The following COL20A1 variants were observed in gnomAD, a reference collection of about 807,000 sequenced individuals.
COL20A1 encodes the protein collagen type XX alpha 1 chain.
Under a neutral mutation model 152.9 loss-of-function variants are expected in COL20A1, and 164 were observed. The ratio of observed to expected loss-of-function variants is 1.07; its 90% CI spans 0.94 to 1.22. The LOEUF is 1.22. Among genes scored for constraint, COL20A1 ranks in the 50% most tolerant of loss-of-function variants. The probability of loss-of-function intolerance (pLI) is 0.00; values close to 1 mark genes in which losing one functional copy is unlikely to be tolerated. For synonymous variants in COL20A1, 864 were observed against 756.0 expected (o/e 1.14, Z -2.34); for missense variants, 1,873 against 1,744.8 (o/e 1.07, Z -1.31).
chr20:63,314,541 A>G (rs1248266405), intron 19 of COL20A1, among the ~76,000 whole-genome samples: 1 of 152,082 alleles, frequency 6.6e-6, no homozygotes, highest in African/African-American at 2.4e-5. Context: ...CCAACCTTCC[A>G]GCTTCCCTCT....
Position 63,309,410 on chromosome 20 carries a change from G to A in COL20A1, c.1018G>A (p.Asp340Asn). Residue 340 changes from aspartate to asparagine, a missense_variant, in exon 9 of 36, where the codon GAC becomes AAC. Physicochemically the swap from Asp to Asn is conservative, Grantham distance 23. Coordinates refer to ENST00000358894, the MANE Select transcript of COL20A1 (RefSeq NM_020882.4). ...PRDITVHSVL[D>N]FLQLGALAGL... ...GGACATCACCGTCCACAGCGTGCTG[G>A]ACTTCCTGCAGCTCGGCGCGCTGGC... 1 of 1,558,514 alleles carries A rather than the reference G, an allele frequency of 6.4e-7. No homozygotes were observed. Among genetic ancestry groups the A allele is most frequent in the Non-Finnish European group, 8.7e-7 (1 of 1,151,080 alleles).
At chr20:63,323,302 G>A (rs1407542866) in intron 27 of COL20A1, among the ~76,000 whole-genome samples, 1 of 152,208 alleles carries the variant, frequency 6.6e-6, no homozygotes, top group Non-Finnish European at 1.5e-5. Context: ...GCATTTTCTT[G>A]TCTTTTGACC....
rs987604099 is a variant in COL20A1 at position 63,332,740 on chromosome 20, C to T, written c.*2024C>T. ...CTCAAAAGGGGAGTCCGGCTGTCTT[C>T]GGGAAACTGACTTTATGCTGGAGGC... On this transcript the variant is annotated 3_prime_UTR_variant, in exon 36 of 36. Transcript: ENST00000358894. 5.3e-5 allele frequency: 8 copies of T among 152,260 alleles called. No individual in the cohort carries two copies. Among genetic ancestry groups the T allele is most frequent in the South Asian group, 4.1e-4 (2 of 4,822 alleles). 9.4% of individuals were successfully genotyped at this position (152,260 alleles called of 1,614,324 possible). A position where few individuals can be genotyped will look rare whatever the true frequency, so the allele number is the denominator to read the frequency against.
rs2068361725 is a variant in COL20A1 at position 63,333,816 on chromosome 20, CTGCCCCGA to C, written c.*3105_*3112del. 1.3e-5 allele frequency: 2 copies of C among 152,378 alleles called. No individual in the cohort carries two copies. The highest frequency in any genetic ancestry group is 4.8e-5 in the African/African-American group (2 of 41,450). 9.4% of individuals were successfully genotyped at this position (152,378 alleles called of 1,614,324 possible). A position where few individuals can be genotyped will look rare whatever the true frequency, so the allele number is the denominator to read the frequency against. ...AACCCAACCCCAGCTGTAGAGGAGC[CTGCCCCGA>C]TGCCATCTGCACCTGGGGGGCGACG... On this transcript the variant is annotated 3_prime_UTR_variant, in exon 36 of 36. Transcript: ENST00000358894.
Position 63,322,090 on chromosome 20 carries a change from G to C in COL20A1, c.3273G>C (p.Glu1091Asp). ...CTGGGAGGAATGGCACCCCAGGAGA[G>C]CAGGGCTTCCCAGGGCCCAGGGTAA... The part of the protein sequence containing the change: ...GLPGRNGTPG[E>D]QGFPGPRGPP... Residue 1091 changes from glutamate (E) to aspartate (D), a missense_variant, in exon 27 of 36, where the codon GAG (glutamate) becomes GAC (aspartate). Transcript: ENST00000358894. 1 of 1,502,170 alleles carries C rather than the reference G, an allele frequency of 6.7e-7. No homozygotes were observed. The highest frequency in any genetic ancestry group is 1.3e-5 in the South Asian group (1 of 77,014). The allele number at this position is 1,502,170 out of a possible 1,614,324, so 93.1% of individuals were successfully genotyped here. A position where few individuals can be genotyped will look rare whatever the true frequency, so the allele number is the denominator to read the frequency against.
In COL20A1 at chr20:63,306,460, A is replaced by G. The variant is rs2067927439; in HGVS notation, c.496+421A>G. ...CAGGCCACTGGGAGCAGGTGGTCCC[A>G]CTACCTCTGACCCCTTTGGGAACCT... On this transcript the variant is annotated intron_variant, in intron 5 of 35. Transcript: ENST00000358894. The surrounding 1 kb of genome is among the most constrained non-coding windows in gnomAD (Gnocchi z 6.9). Among the ~76,000 whole-genome samples the G allele has an allele frequency of 6.6e-6, 1 of 152,232 alleles. No homozygotes were observed. The highest frequency in any genetic ancestry group is 1.5e-5 in the Non-Finnish European group (1 of 68,034).
At chr20:63,315,316 G>A (rs1486527722) in intron 19 of COL20A1, 88 bp from the exon 20 acceptor site, 8 of 1,285,142 alleles carry the variant, frequency 6.2e-6, no homozygotes, top group South Asian at 2.5e-5. Context: ...CTGGGGCATC[G>A]TCCATGAAGT....
rs761119419 is a variant in COL20A1 at position 63,320,238 on chromosome 20, G to C, written c.3075+41G>C. The C allele has an allele frequency of 1.1e-5, 17 of 1,604,016 alleles. No individual in the cohort carries two copies. The East Asian group carries it at 3.3e-4, about 32-fold the overall frequency. ...CCCACCTGCTGGGCCACGCTGGTGGGGGCTGGCAGCCTCTCTGAGCCCCGG... is the reference window on the plus strand; with the variant it reads ...CCCACCTGCTGGGCCACGCTGGTGGCGGCTGGCAGCCTCTCTGAGCCCCGG... On this transcript the variant is annotated intron_variant, in intron 24 of 35. Coordinates refer to ENST00000358894, the MANE Select transcript of COL20A1 (RefSeq NM_020882.4).
chr20:63,316,479 G>C, intron 20 of COL20A1, 74 bp from the exon 21 acceptor site: 3 of 922,914 alleles, frequency 3.3e-6, no homozygotes, highest in Non-Finnish European at 2.9e-6. Flanking sequence ...TTGAGTCCCC[G>C]CTCCTGCCCC....
chr20:63,320,582 C>G (rs1371712781), intron 25 of COL20A1, among the ~76,000 whole-genome samples: 1 of 152,170 alleles, frequency 6.6e-6, no homozygotes, highest in Non-Finnish European at 1.5e-5. Flanking sequence ...CTGGGAACCC[C>G]TGGCTGCACT....
chr20:63,312,639 C>G, intron 15 of COL20A1, 90 bp downstream of exon 15: 2 of 1,481,274 alleles, frequency 1.4e-6, no homozygotes, highest in South Asian at 2.7e-5. Context: ...GTTTTGGGAG[C>G]CTGCCCTGGG....
chr20:63,300,400 T>C (rs1480879929), intron 3 of COL20A1, among the ~76,000 whole-genome samples: 1 of 152,192 alleles, frequency 6.6e-6, no homozygotes, highest in Non-Finnish European at 1.5e-5. Flanking sequence ...TTAACAGACA[T>C]AGGACTACTC....
rs1312198955 is a variant in COL20A1, at chr20:63,306,579, G to T, written c.496+540G>T. Among the ~76,000 whole-genome samples the T allele has an allele frequency of 6.6e-6, 1 of 152,100 alleles. No individual in the cohort carries two copies. The stretch of plus-strand genomic sequence containing the variant: ...GCTGGTCCGGGGGCCCTGGAGGGAG[G>T]GCCCTGCCCAGCCGGCCCCAGGCGT... On this transcript the variant is annotated intron_variant, in intron 5 of 35. Coordinates refer to ENST00000358894, the MANE Select transcript of COL20A1 (RefSeq NM_020882.4). This position sits in a 1 kb window ranked among gnomAD's most constrained non-coding sequence, Gnocchi z 6.9.
At chr20:63,330,251 G>A (rs944189440) in intron 35 of COL20A1, among the ~76,000 whole-genome samples, 2 of 152,150 alleles carry the variant, frequency 1.3e-5, no homozygotes, top group Non-Finnish European at 2.9e-5. Flanking sequence ...GGAGCAGGTG[G>A]TGGGTACAGC....
At chr20:63,316,459 T>A in intron 20 of COL20A1, 94 bp from the exon 21 acceptor site, 141 of 443,304 alleles carry the variant, frequency 3.2e-4, no homozygotes, top group East Asian at 1.4e-3. Context: ...CTGCAGCCCC[T>A]GGGTCCCTCT....
chr20:63,314,188 C>T lies in COL20A1; in HGVS notation c.2475C>T (p.Ala825=), dbSNP rs952732682. 2.6e-6 allele frequency: 4 copies of T among 1,564,598 alleles called. No homozygotes were observed. The African/African-American group carries it at 4.1e-5, about 16-fold the overall frequency. Residue 825 remains alanine (A), a synonymous_variant, in exon 19 of 36, where the codon GCC becomes GCT. Coordinates refer to ENST00000358894, the MANE Select transcript of COL20A1 (RefSeq NM_020882.4). ...YAAGRSEAVS[A]TGQTACPALR... is the part of the protein sequence containing the mutation. ...CAGGCAGGAGTGAGGCTGTGTCTGC[C>T]ACGGGCCAGACAGGTGAGTGGGCAC...
In COL20A1 at chr20:63,319,110, C is replaced by T. The variant is rs770736254; in HGVS notation, c.2716C>T (p.Arg906Cys). The T allele has an allele frequency of 7.3e-5, 117 of 1,612,666 alleles. 1 individual carries two copies. The highest frequency in any genetic ancestry group is 1.6e-4 in the Middle Eastern group (1 of 6,080). Residue 906 changes from arginine (R) to cysteine (C), a missense_variant, in exon 22 of 36, where the codon CGC becomes TGC. Arg to Cys is a radical substitution (Grantham distance 180, BLOSUM62 -3). Coordinates refer to ENST00000358894, the MANE Select transcript of COL20A1 (RefSeq NM_020882.4). The surrounding 1 kb of genome is among the most constrained non-coding windows in gnomAD (Gnocchi z 4.4). ...PPEHTIVFLV[R>C]LLPETPREAF... Reference sequence around the variant, plus strand: ...AGAGCACACCATCGTCTTCCTTGTGCGCCTACTTCCCGAGACACCCCGTGA... The same window carrying T: ...AGAGCACACCATCGTCTTCCTTGTGTGCCTACTTCCCGAGACACCCCGTGA...
In COL20A1 at chr20:63,312,949, G is replaced by A. The variant is rs2068031767; in HGVS notation, c.2076+15G>A. The A allele has an allele frequency of 6.5e-7, 1 of 1,538,842 alleles. No homozygotes were observed. The highest frequency in any genetic ancestry group is 8.8e-7 in the Non-Finnish European group (1 of 1,137,720). The stretch of plus-strand genomic sequence containing the variant: ...AGGCTCACGAGGTGGGCAGGGGTGG[G>A]TTTGTCCTTCCGAGGGGCCCCCCGT... On this transcript the variant is annotated intron_variant, in intron 16 of 35. Coordinates refer to ENST00000358894, the MANE Select transcript of COL20A1 (RefSeq NM_020882.4).
chr20:63,329,626 C>T lies in COL20A1; in HGVS notation c.3823C>T (p.Gln1275Ter). ...AVGQMGSPGQ[Q>*]GASTQGLWE Reference sequence around the variant, plus strand: ...TGGTCAGATGGGCAGCCCTGGGCAGCAGGGGGCTAGCACCCAGGGCCTCTG... The same window carrying T: ...TGGTCAGATGGGCAGCCCTGGGCAGTAGGGGGCTAGCACCCAGGGCCTCTG... The change falls in exon 35 of 36, where the codon CAG becomes TAG. Residue 1275 changes from glutamine (Q) to a stop codon, truncating the protein, a stop_gained. Transcript: ENST00000358894. LOFTEE classifies it high-confidence loss of function. The T allele has an allele frequency of 6.2e-7, 1 of 1,606,230 alleles. No homozygotes were observed. The highest frequency in any genetic ancestry group is 8.5e-7 in the Non-Finnish European group (1 of 1,178,420).
Sources: gnomAD v4.1 joint callset for allele counts (sites outside exome capture counted in the v4.1 genomes callset) on GRCh38, gnomAD v4.1.1 for gene constraint, Gnocchi (gnomAD v3.1) non-coding constraint, MANE v1.5 for transcripts, NCBI Gene and HGNC (gene_info 2026-07-23, HGNC 2026-07-21) for gene names.